Variants in ZSCAN25 observed in about 807,000 individuals in gnomAD.
The protein encoded by ZSCAN25 is zinc finger and SCAN domain containing 25.
A neutral mutation model predicts 38.7 loss-of-function variants in ZSCAN25; 27 were observed. The ratio of observed to expected loss-of-function variants is 0.70; its 90% CI spans 0.51 to 0.96. ZSCAN25 has a LOEUF of 0.96. ZSCAN25 is among the 40% of genes least tolerant of loss of function. ZSCAN25 has a pLI of 0.00. For synonymous variants in ZSCAN25, 273 were observed against 277.7 expected, an observed-to-expected ratio of 0.98 and a Z score of 0.17; for missense variants, 637 against 705.9, an observed-to-expected ratio of 0.90 and a Z score of 1.11.
chr7:99,631,226 C>T lies in ZSCAN25; in HGVS notation c.*1206C>T, dbSNP rs1265369246. 1 of 985,314 alleles carries T rather than the reference C, an allele frequency of 1.0e-6. No individual in the cohort carries two copies. The highest frequency in any genetic ancestry group is 1.2e-6 in the Non-Finnish European group (1 of 829,956). 61.0% of individuals were successfully genotyped at this position (985,314 alleles called of 1,614,324 possible). On this transcript the variant is annotated 3_prime_UTR_variant, in exon 8 of 8. Transcript: ENST00000394152. ...CACCTACCTCTTGTTACTAAATGGT[C>T]TCTGCCCTCCAGACCCTTGTCATCC... is the stretch of plus-strand genomic sequence containing the variant.
At chr7:99,730,662 T>G in the ZSCAN25 span, 1 of 209,646 alleles carries the variant, frequency 4.8e-6, no homozygotes, top group East Asian at 1.1e-4. Flanking sequence ...GAGAGGAAAG[T>G]TTTACTCTCA....
chr7:99,637,345 A>G (rs989287410), downstream of ZSCAN25, among the ~76,000 whole-genome samples: 1 of 151,974 alleles, frequency 6.6e-6, no homozygotes. Flanking sequence ...TATTTAATCT[A>G]TGTGTGGTGT....
the ZSCAN25 span, among the ~76,000 whole-genome samples, chr7:99,729,205 G>T: frequency 3.3e-5 from 5 of 151,860 alleles, no homozygotes; most frequent in Admixed American, 3.3e-4. Context: ...GTCTTCAATT[G>T]GTTTCTCAAT....
At chr7:99,658,463 A>G in the ZSCAN25 span, among the ~76,000 whole-genome samples, 1 of 151,892 alleles carries the variant, frequency 6.6e-6, no homozygotes, top group Non-Finnish European at 1.5e-5. Context: ...TGTTAGTCTG[A>G]TGGGTTTGTG....
the ZSCAN25 span, among the ~76,000 whole-genome samples, chr7:99,678,179 C>T: frequency 2.0e-5 from 3 of 152,202 alleles, no homozygotes; most frequent in Non-Finnish European, 4.4e-5. Flanking sequence ...AGTGACCGGC[C>T]CACAACATGG....
At chr7:99,665,140 A>C in the ZSCAN25 span, 3 of 1,542,330 alleles carry the variant, frequency 1.9e-6, no homozygotes, top group Non-Finnish European at 2.6e-6. Flanking sequence ...TTTTAAAAAG[A>C]GAGAAAGAAA....
chr7:99,715,695 C>T, the ZSCAN25 span: 10 of 1,610,628 alleles, frequency 6.2e-6, no homozygotes, highest in Admixed American at 1.7e-5. Context: ...TGGTGATTTA[C>T]ATCTCAATAA....
the ZSCAN25 span, chr7:99,710,783 A>G: frequency 2.5e-6 from 4 of 1,613,816 alleles, no homozygotes; most frequent in African/African-American, 5.3e-5. Context: ...GCTGGACATC[A>G]GGGTGAGTGG....
chr7:99,669,076 A>G, the ZSCAN25 span, among the ~76,000 whole-genome samples: 2 of 152,212 alleles, frequency 1.3e-5, no homozygotes, highest in East Asian at 1.9e-4. Context: ...CTTATCTATT[A>G]TAATGCTTTT....
At chr7:99,620,752 T>A (rs1462879278) in intron 4 of ZSCAN25, 1 of 152,234 alleles carries the variant, frequency 6.6e-6, no homozygotes, top group Non-Finnish European at 1.5e-5. Context: ...CTGATTTTTC[T>A]TGCTCTTTTT....
In ZSCAN25 at chr7:99,622,374, G is replaced by A. The variant is rs1807055365; in HGVS notation, c.590-175G>A. The A allele has an allele frequency of 4.5e-6, 3 of 673,266 alleles. No individual in the cohort carries two copies. In the East Asian group the frequency reaches 8.2e-5, roughly 18 times the overall value. The allele number at this position is 673,266 out of a possible 1,614,324, so 41.7% of individuals were successfully genotyped here. A position where few individuals can be genotyped will look rare whatever the true frequency, so the allele number is the denominator to read the frequency against. On this transcript the variant is annotated intron_variant, in intron 5 of 7. Coordinates refer to ENST00000394152, the MANE Select transcript of ZSCAN25 (RefSeq NM_145115.3). Reference sequence around the variant, plus strand: ...AGGCCCCAGCTGAGAATAGGGCAAGGGACACCCAGGCCCCTGTGCATGGGA... The same window carrying A: ...AGGCCCCAGCTGAGAATAGGGCAAGAGACACCCAGGCCCCTGTGCATGGGA...
the ZSCAN25 span, among the ~76,000 whole-genome samples, chr7:99,693,214 A>AAGG: frequency 2.0e-5 from 3 of 152,092 alleles, no homozygotes; most frequent in East Asian, 3.9e-4. Context: ...CCTGGGTATT[A>AAGG]CCTGCAGAGG....
the ZSCAN25 span, chr7:99,660,543 G>T: frequency 6.2e-7 from 1 of 1,613,690 alleles, no homozygotes; most frequent in South Asian, 1.1e-5. Context: ...AGTTTCTGCT[G>T]GACATCAGGG....
the ZSCAN25 span, chr7:99,660,589 A>ACTG: frequency 6.2e-7 from 1 of 1,613,998 alleles, no homozygotes; most frequent in Non-Finnish European, 8.5e-7. Flanking sequence ...AGGAAAGAAC[A>ACTG]CTGCTGGTGG....
the ZSCAN25 span, among the ~76,000 whole-genome samples, chr7:99,726,111 C>T: frequency 6.6e-6 from 1 of 152,154 alleles, no homozygotes; most frequent in African/African-American, 2.4e-5. Flanking sequence ...TTCTTCCCAA[C>T]CCAAAGCCTC....
chr7:99,650,126 C>T, the ZSCAN25 span: 2 of 1,614,108 alleles, frequency 1.2e-6, no homozygotes, highest in African/African-American at 2.7e-5. Flanking sequence ...CTGATTAGAG[C>T]AAGTTTCATG....
At chr7:99,676,449 C>T in the ZSCAN25 span, 3 of 1,453,066 alleles carry the variant, frequency 2.1e-6, no homozygotes, top group Non-Finnish European at 2.8e-6. Context: ...AGTCCCAATC[C>T]TGGAGTGAAT....
At chr7:99,713,567 A>C in the ZSCAN25 span, 1 of 1,612,876 alleles carries the variant, frequency 6.2e-7, no homozygotes, top group Non-Finnish European at 8.5e-7. Flanking sequence ...TTATTGACAG[A>C]AAGTGACTCG....
At chr7:99,691,937 A>G in the ZSCAN25 span, among the ~76,000 whole-genome samples, 1 of 152,180 alleles carries the variant, frequency 6.6e-6, no homozygotes, top group African/African-American at 2.4e-5. Context: ...TCCTGCAATT[A>G]TGATGTTAGC....
Sources: allele counts gnomAD v4.1 joint callset (sites outside exome capture counted in the v4.1 genomes callset), GRCh38; gene constraint gnomAD v4.1.1; transcripts MANE v1.5; gene names NCBI Gene and HGNC (gene_info 2026-07-23, HGNC 2026-07-21).